The following DNAH12 variants were observed in gnomAD, a reference collection of about 807,000 sequenced individuals.
The protein encoded by DNAH12 is dynein axonemal heavy chain 12, also known as axonemal beta dynein heavy chain 12.
A neutral mutation model predicts 371.5 loss-of-function variants in DNAH12; 285 were observed. The observed-to-expected ratio is 0.77, with a 90% confidence interval of 0.70 to 0.85. The LOEUF is 0.85. Ranked by LOEUF, DNAH12 falls within the 40% of genes least tolerant of loss-of-function variation. The pLI, the probability that DNAH12 is intolerant of heterozygous loss-of-function variation, is 0.00. For missense variants in DNAH12, 3,611 were observed against 3,689.4 expected (o/e 0.98, Z 0.55); for synonymous variants, 1,200 against 1,213.0 (o/e 0.99, Z 0.22).
intron 66 of DNAH12, 125 bp downstream of exon 66, chr3:57,314,369 T>C (rs1341559363): frequency 8.4e-7 from 1 of 1,190,096 alleles, no homozygotes; most frequent in African/African-American, 1.6e-5. Flanking sequence ...TCATAAGCCA[T>C]AGTTATTACC....
At chr3:57,483,646 T>A in intron 12 of DNAH12, 135 bp from the exon 13 acceptor site, 1 of 1,067,860 alleles carries the variant, frequency 9.4e-7, no homozygotes, top group Non-Finnish European at 1.3e-6. Flanking sequence ...CTAAGGTATC[T>A]TAAAAATATT....
At chr3:57,450,546 C>T (rs2065729062) in intron 25 of DNAH12, among the ~76,000 whole-genome samples, 1 of 152,220 alleles carries the variant, frequency 6.6e-6, no homozygotes, top group South Asian at 2.1e-4. Flanking sequence ...GAAACTCCAT[C>T]TCAAAAAGTG....
intron 66 of DNAH12, 119 bp from the exon 67 acceptor site, chr3:57,311,069 C>T (rs998155691): frequency 3.1e-5 from 23 of 753,588 alleles, no homozygotes; most frequent in Non-Finnish European, 4.1e-5. Context: ...AGTTGTCTTT[C>T]GGTAGCTGAG....
chr3:57,317,527 T>C (rs916967210), intron 65 of DNAH12, among the ~76,000 whole-genome samples: 23 of 152,154 alleles, frequency 1.5e-4, no homozygotes, highest in African/African-American at 4.6e-4. Flanking sequence ...GTTTTATCCA[T>C]GTTGTCATAT....
intron 47 of DNAH12, among the ~76,000 whole-genome samples, chr3:57,385,829 C>T (rs1193686521): frequency 3.3e-5 from 5 of 152,042 alleles, no homozygotes; most frequent in Admixed American, 1.3e-4. Context: ...TGCAGTGAGC[C>T]GAGATTGCAC....
Position 57,433,701 on chromosome 3 carries a change from G to T in DNAH12, c.4783C>A (p.Pro1595Thr), listed in dbSNP as rs1202954290. Residue 1595 changes from proline to threonine, a missense_variant, in exon 31 of 74, where the codon CCC becomes ACC. This residue lies in a region of DNAH12 where 2,266 missense variants were observed against 2,236.9 expected (regional missense o/e 1.01). Coordinates refer to ENST00000495027, the MANE Select transcript of DNAH12 (RefSeq NM_001366028.2). ...AGTTGGCCCATAGTAATAGATTTGG[G>T]GTTTACAGTTCTATAAATGACCTTT... Reference protein sequence around the residue: ...EEKVIYRTVNPKSITMGQLFG... With the variant: ...EEKVIYRTVNTKSITMGQLFG... 6.4e-7 allele frequency: 1 copy of T among 1,551,050 alleles called. No homozygotes were observed. Among genetic ancestry groups the T allele is most frequent in the Admixed American group, 2.0e-5 (1 of 50,964 alleles).
chr3:57,439,361 C>G (rs2065235153), intron 29 of DNAH12, among the ~76,000 whole-genome samples: 1 of 152,130 alleles, frequency 6.6e-6, no homozygotes, highest in Non-Finnish European at 1.5e-5. Flanking sequence ...GTGACACAGA[C>G]CAATAGAATG....
At chr3:57,322,917 A>G in intron 64 of DNAH12, 90 bp downstream of exon 64, 7 of 1,454,842 alleles carry the variant, frequency 4.8e-6, no homozygotes, top group South Asian at 4.3e-5. Context: ...GAGACAGAGT[A>G]AGACTCCGTC....
intron 4 of DNAH12, chr3:57,520,067 C>T: frequency 3.8e-6 from 2 of 527,530 alleles, no homozygotes; most frequent in Non-Finnish European, 3.3e-6. Context: ...GAGGCTGTGG[C>T]GGCTCTGTGG....
rs5849214 is a variant in DNAH12, at chr3:57,543,315, G to GTTTTTTTT, written c.-33-420_-33-413dup. Among the ~76,000 whole-genome samples, 99 of 70,284 alleles carry GTTTTTTTT rather than the reference G, an allele frequency of 1.4e-3. 9 individuals carry two copies. The highest frequency in any genetic ancestry group is 2.7e-3 in the African/African-American group (43 of 15,928). The allele number at this position is 70,284 out of a possible 152,430, so 46.1% of individuals were successfully genotyped here. ...AAGCTGATATTTAACATCATTAATG[G>GTTTTTTTT]TTTTTTTTTTTTTTTTTTTTTTTTT... is the stretch of plus-strand genomic sequence containing the variant. On this transcript the variant is annotated intron_variant, in intron 1 of 73. Coordinates refer to ENST00000495027, the MANE Select transcript of DNAH12 (RefSeq NM_001366028.2).
At chr3:57,445,059 T>A (rs2065438592) in intron 28 of DNAH12, 115 bp downstream of exon 28, 1 of 1,273,730 alleles carries the variant, frequency 7.9e-7, no homozygotes, top group Non-Finnish European at 1.1e-6. Context: ...TTCAACCTCT[T>A]ATGAAAAGAC....
intron 62 of DNAH12, among the ~76,000 whole-genome samples, chr3:57,324,655 G>T (rs913792234): frequency 2.0e-5 from 3 of 152,204 alleles, no homozygotes; most frequent in African/African-American, 7.2e-5. Context: ...CAGAAGAGGG[G>T]TGATTTCTGC....
At position 57,361,970 on chromosome 3, in the gene DNAH12, C is replaced by T. The variant is rs1405580387; in HGVS notation, c.9360+1624G>A. Reference sequence around the variant, plus strand: ...TGTTGGTTTGCTGCACCCATTAACTCGTCATTTACATTAGGTATGCCTCCT... The same window carrying T: ...TGTTGGTTTGCTGCACCCATTAACTTGTCATTTACATTAGGTATGCCTCCT... On this transcript the variant is annotated intron_variant, in intron 58 of 73. Coordinates refer to ENST00000495027, the MANE Select transcript of DNAH12 (RefSeq NM_001366028.2). 3.3e-5 allele frequency among the ~76,000 whole-genome samples: 5 copies of T among 152,104 alleles called. No individual in the cohort carries two copies. The South Asian group carries it at 8.3e-4, about 25-fold the overall frequency.
intron 29 of DNAH12, among the ~76,000 whole-genome samples, chr3:57,437,268 T>A (rs2065157874): frequency 6.6e-6 from 1 of 152,206 alleles, no homozygotes; most frequent in African/African-American, 2.4e-5. Flanking sequence ...TTGTAAGTTA[T>A]GAATGATCAT....
At chr3:57,378,135 T>C (rs2063319354) in intron 52 of DNAH12, among the ~76,000 whole-genome samples, 1 of 152,276 alleles carries the variant, frequency 6.6e-6, no homozygotes, top group South Asian at 2.1e-4. Context: ...GTTGCATATT[T>C]CTCTCCCATG....
Position 57,403,344 on chromosome 3 carries a change from T to C in DNAH12, c.6913A>G (p.Ser2305Gly), listed in dbSNP as rs1395931469. ...MHIFQPEISK[S>G]YGMNEWREDM... ...TCTCTCCATTCATTCATACCATAGCTCTTAGAAATTTCTGGTTGGAAAATA... is the reference window on the plus strand; with the variant it reads ...TCTCTCCATTCATTCATACCATAGCCCTTAGAAATTTCTGGTTGGAAAATA... The change falls in exon 43 of 74, where the codon AGC becomes GGC. Residue 2305 changes from serine (S) to glycine (G), a missense_variant. By Grantham distance (56) the Ser-to-Gly change is moderately conservative (BLOSUM62 0). Coordinates refer to ENST00000495027, the MANE Select transcript of DNAH12 (RefSeq NM_001366028.2). The C allele has an allele frequency of 1.9e-6, 3 of 1,550,954 alleles. No homozygotes were observed. The highest frequency in any genetic ancestry group is 2.4e-5 in the East Asian group (1 of 40,922).
At chr3:57,338,536 G>A (rs186397540) in intron 60 of DNAH12, among the ~76,000 whole-genome samples, 2,185 of 148,800 alleles carry the variant, frequency 0.015, 38 homozygotes, top group African/African-American at 0.052. Context: ...GGTGAGGAGC[G>A]TCTCTGCCCG....
intron 22 of DNAH12, among the ~76,000 whole-genome samples, chr3:57,455,429 G>A (rs1196790323): frequency 6.6e-6 from 1 of 151,760 alleles, no homozygotes; most frequent in East Asian, 1.9e-4. Context: ...AAATAGCTGG[G>A]CATGGTGGTG....
chr3:57,536,583 C>T (rs1348560918), intron 2 of DNAH12, among the ~76,000 whole-genome samples: 1 of 152,122 alleles, frequency 6.6e-6, no homozygotes, highest in Non-Finnish European at 1.5e-5. Context: ...CCTGGATATC[C>T]TCCTCCTTTC....
Sources: allele counts gnomAD v4.1 joint callset (sites outside exome capture counted in the v4.1 genomes callset), GRCh38; gene constraint gnomAD v4.1.1; regional missense constraint gnomAD v4.1.1; transcripts MANE v1.5; gene names NCBI Gene and HGNC (gene_info 2026-07-23, HGNC 2026-07-21).